TMEM87B: variants seen among roughly 807,000 people sequenced by gnomAD.
TMEM87B encodes transmembrane protein 87B.
A neutral mutation model predicts 80.3 loss-of-function variants in TMEM87B; 83 were observed. That is an observed-to-expected ratio of 1.03 (90% CI 0.87 to 1.24). The LOEUF (loss-of-function observed/expected upper bound fraction) is 1.24. Ranked by LOEUF, TMEM87B falls within the 50% of genes most tolerant of loss-of-function variation. TMEM87B has a pLI of 0.00. For missense variants in TMEM87B, 625 were observed against 674.4 expected (o/e 0.93, Z 0.81); for synonymous variants, 219 against 230.5 (o/e 0.95, Z 0.45).
At chr2:112,079,658 CTG>C (rs1678926621) in intron 6 of TMEM87B, among the ~76,000 whole-genome samples, 1 of 152,106 alleles carries the variant, frequency 6.6e-6, no homozygotes, top group Non-Finnish European at 1.5e-5. Context: ...TATGGTAATT[CTG>C]TTTTTAGTTT....
chr2:112,100,519 A>C (rs1246533344), intron 14 of TMEM87B, 103 bp from the exon 15 acceptor site: 3 of 661,486 alleles, frequency 4.5e-6, no homozygotes, highest in African/African-American at 3.8e-5. Context: ...AAGTATAAGA[A>C]ATTTTTTAAA....
intron 17 of TMEM87B, among the ~76,000 whole-genome samples, chr2:112,112,023 A>G (rs1418412291): frequency 6.6e-6 from 1 of 151,942 alleles, no homozygotes. Flanking sequence ...ATTTTCCTTA[A>G]TCGTATTATT....
intron 16 of TMEM87B, among the ~76,000 whole-genome samples, chr2:112,107,290 A>G (rs10203657): frequency 0.7 from 105,008 of 149,836 alleles, 37,201 homozygotes; most frequent in East Asian, 0.89. Flanking sequence ...CCTGGGAGGC[A>G]GAGGTTGCAG....
chr2:112,061,868 G>T (rs1297762375), intron 2 of TMEM87B, among the ~76,000 whole-genome samples: 1 of 152,186 alleles, frequency 6.6e-6, no homozygotes, highest in Admixed American at 6.5e-5. Context: ...CAGCATTGTT[G>T]GGGGAGAGGT....
At chr2:112,094,161 C>CTTT (rs755031584) in intron 11 of TMEM87B, among the ~76,000 whole-genome samples, 1 of 128,758 alleles carries the variant, frequency 7.8e-6, no homozygotes, top group East Asian at 2.2e-4. Context: ...ATTTCTTGTT[C>CTTT]TTTTTTTTTT....
At chr2:112,089,816 GA>G (rs1679250042) in intron 10 of TMEM87B, 98 bp downstream of exon 10, 3 of 1,138,042 alleles carry the variant, frequency 2.6e-6, no homozygotes, top group Admixed American at 2.0e-5. Flanking sequence ...AGAAACTTGT[GA>G]AAAAGGCCCA....
At chr2:112,103,017 CTG>C (rs1232907703) in intron 15 of TMEM87B, among the ~76,000 whole-genome samples, 1 of 152,168 alleles carries the variant, frequency 6.6e-6, no homozygotes, top group Admixed American at 6.5e-5. Flanking sequence ...GGAAGTAAAA[CTG>C]TGTTTATTCG....
chr2:112,113,651 G>A (rs1412340414), intron 18 of TMEM87B, among the ~76,000 whole-genome samples: 1 of 151,766 alleles, frequency 6.6e-6, no homozygotes, highest in Non-Finnish European at 1.5e-5. Flanking sequence ...ATTACAGAAA[G>A]ATTCATAACT....
Position 112,055,541 on chromosome 2 carries a change from G to A in TMEM87B, c.-51G>A. On this transcript the variant is annotated 5_prime_UTR_variant, in exon 1 of 19. In the 5' UTR this introduces an upstream ATG that the reference lacks. Transcript: ENST00000283206. Reference sequence around the variant, plus strand: ...CCTGCCTGGGGCGGTGCTGCACCAGGTGCGGGTGTGGCAGGCGTCTCGGAG... The same window carrying A: ...CCTGCCTGGGGCGGTGCTGCACCAGATGCGGGTGTGGCAGGCGTCTCGGAG... 1.4e-6 allele frequency: 2 copies of A among 1,454,356 alleles called. No individual in the cohort carries two copies. The highest frequency in any genetic ancestry group is 1.8e-6 in the Non-Finnish European group (2 of 1,107,142). 90.1% of individuals were successfully genotyped at this position (1,454,356 alleles called of 1,614,324 possible). A position where few individuals can be genotyped will look rare whatever the true frequency, so the allele number is the denominator to read the frequency against.
chr2:112,102,707 T>A (rs1033681852), intron 15 of TMEM87B, among the ~76,000 whole-genome samples: 15 of 145,912 alleles, frequency 1.0e-4, no homozygotes, highest in Non-Finnish European at 2.1e-4. Flanking sequence ...AATAAATAAA[T>A]AAAAATAAAA....
chr2:112,118,962 A>G lies in TMEM87B; in HGVS notation c.*2819A>G, dbSNP rs539923798. 1 of 152,330 alleles carries G rather than the reference A, an allele frequency of 6.6e-6. No individual in the cohort carries two copies. The highest frequency in any genetic ancestry group is 1.9e-4 in the East Asian group (1 of 5,186). 9.4% of individuals were successfully genotyped at this position (152,330 alleles called of 1,614,324 possible). On this transcript the variant is annotated 3_prime_UTR_variant, in exon 19 of 19. Coordinates refer to ENST00000283206, the MANE Select transcript of TMEM87B (RefSeq NM_032824.3). ...TAAGCAATACAAAATACCAAGCCTT[A>G]TACTTAAAAGAAGTTTAACATATTG...
chr2:112,097,403 T>C (rs1170973332), intron 13 of TMEM87B, 112 bp downstream of exon 13: 5 of 1,002,870 alleles, frequency 5.0e-6, no homozygotes, highest in East Asian at 2.8e-5. Context: ...GAGATTTATG[T>C]TTTTACTTTG....
Position 112,055,664 on chromosome 2 carries a change from C to A in TMEM87B, c.73C>A (p.Leu25Met), listed in dbSNP as rs752309698. Residue 25 changes from leucine (L) to methionine (M), a missense_variant, in exon 1 of 19, where the codon CTG becomes ATG. Leu to Met is a conservative substitution (Grantham distance 15, BLOSUM62 2). Transcript: ENST00000283206. ...RRRCFPARAPLLRVALCLLCW... is the reference protein window; with the variant it reads ...RRRCFPARAPMLRVALCLLCW... The stretch of plus-strand genomic sequence containing the variant: ...CCGCTGCTTTCCCGCCCGGGCCCCG[C>A]TGCTGCGCGTCGCCCTCTGCCTCCT... The A allele has an allele frequency of 1.3e-6, 2 of 1,583,252 alleles. No homozygotes were observed. Among genetic ancestry groups the A allele is most frequent in the Non-Finnish European group, 1.7e-6 (2 of 1,167,930 alleles).
intron 4 of TMEM87B, among the ~76,000 whole-genome samples, chr2:112,070,190 G>A (rs1573689094): frequency 6.6e-6 from 1 of 151,972 alleles, no homozygotes; most frequent in Non-Finnish European, 1.5e-5. Context: ...GATCCTATTT[G>A]TCAATTTTTG....
intron 17 of TMEM87B, among the ~76,000 whole-genome samples, chr2:112,108,156 TA>T (rs977071632): frequency 2.6e-5 from 4 of 152,122 alleles, no homozygotes; most frequent in African/African-American, 9.7e-5. Flanking sequence ...TTTTTTTTTT[TA>T]AAGGTAACCA....
chr2:112,087,756 C>G (rs150675787), intron 9 of TMEM87B, among the ~76,000 whole-genome samples: 2 of 152,324 alleles, frequency 1.3e-5, no homozygotes, highest in East Asian at 3.9e-4. Context: ...ATTCACCTTT[C>G]CCCTGTGCAG....
In TMEM87B at chr2:112,118,809, A is replaced by G. The variant is rs1488419646; in HGVS notation, c.*2666A>G. On this transcript the variant is annotated 3_prime_UTR_variant, in exon 19 of 19. Coordinates refer to ENST00000283206, the MANE Select transcript of TMEM87B (RefSeq NM_032824.3). ...TGTACATATACATTTTGAGTTATGT[A>G]TCCTTTTTTTAAAAAAAAGTTCGAG... 1 of 152,192 alleles carries G rather than the reference A, an allele frequency of 6.6e-6. No homozygotes were observed. Among genetic ancestry groups the G allele is most frequent in the Non-Finnish European group, 1.5e-5 (1 of 68,026 alleles). The allele number at this position is 152,192 out of a possible 1,614,324, so 9.4% of individuals were successfully genotyped here. A position where few individuals can be genotyped will look rare whatever the true frequency, so the allele number is the denominator to read the frequency against.
rs1678560406 is a variant in TMEM87B at position 112,069,484 on chromosome 2, T to C, written c.450+2417T>C. ...TGGCTTCCAGCTCCATCCATGTCCC[T>C]GCAAAGGACACGATCTCCTTTTTTA... is the stretch of plus-strand genomic sequence containing the variant. On this transcript the variant is annotated intron_variant, in intron 4 of 18. Transcript: ENST00000283206. Among the ~76,000 whole-genome samples, 8 of 152,346 alleles carry C rather than the reference T, an allele frequency of 5.3e-5. No homozygotes were observed. The South Asian group carries it at 1.7e-3, about 32-fold the overall frequency.
intron 13 of TMEM87B, 97 bp from the exon 14 acceptor site, chr2:112,098,498 G>A: frequency 2.7e-6 from 3 of 1,102,350 alleles, no homozygotes. Context: ...TGGTTGGAAA[G>A]ATTTCATTAG....
Sources: gnomAD v4.1 joint callset for allele counts (sites outside exome capture counted in the v4.1 genomes callset) on GRCh38, gnomAD v4.1.1 for gene constraint, MANE v1.5 for transcripts, NCBI Gene and HGNC (gene_info 2026-07-23, HGNC 2026-07-21) for gene names.